The following SYNE4 variants were observed in gnomAD, a reference collection of about 807,000 sequenced individuals.
SYNE4 encodes the protein spectrin repeat containing nuclear envelope family member 4, also known as nesprin-4.
A neutral mutation model predicts 46.9 loss-of-function variants in SYNE4; 41 were observed. That is an observed-to-expected ratio of 0.87 (90% CI 0.68 to 1.13). The LOEUF (loss-of-function observed/expected upper bound fraction) is 1.13, where lower values mean the gene tolerates loss of function less well. Among genes scored for constraint, SYNE4 ranks in the 50% most tolerant of loss-of-function variants. SYNE4 has a pLI of 0.00. For missense variants in SYNE4, 492 were observed against 514.8 expected (o/e 0.96, Z 0.43); for synonymous variants, 221 against 219.5 (o/e 1.01, Z -0.06).
Position 36,008,711 on chromosome 19 carries a change from T to C in SYNE4, c.-30A>G, listed in dbSNP as rs751908905. The C allele has an allele frequency of 6.3e-7, 1 of 1,590,176 alleles. No homozygotes were observed. The highest frequency in any genetic ancestry group is 8.6e-7 in the Non-Finnish European group (1 of 1,169,034). On this transcript the variant is annotated 5_prime_UTR_variant, in exon 1 of 8. Transcript: ENST00000324444. The stretch of plus-strand genomic sequence containing the variant: ...GGGGGCCTGGGGACACAAAGTCAGG[T>C]GAGGGCAGCCAGTAAGACCTCTTCC...
Position 36,006,466 on chromosome 19 carries a change from A to G in SYNE4, c.824T>C (p.Leu275Pro). The part of the protein sequence containing the change: ...TARTLGVPCE[L>P]CGQRGPQGRG... ...GCCCTGGGGCCCCCTCTGGCCACAC[A>G]GCTCACAGGGCACTCCTAGTGTCCG... The change falls in exon 5 of 8, where the codon CTG becomes CCG. Residue 275 changes from leucine to proline, a missense_variant. Coordinates refer to ENST00000324444, the MANE Select transcript of SYNE4 (RefSeq NM_001039876.3). The G allele has an allele frequency of 6.2e-7, 1 of 1,611,870 alleles. No homozygotes were observed.
chr19:36,006,206 C>T, intron 5 of SYNE4: 1 of 609,748 alleles, frequency 1.6e-6, no homozygotes, highest in Non-Finnish European at 2.6e-6. Flanking sequence ...ATCTGGGGGC[C>T]TCAGGATAGG....
At position 36,007,089 on chromosome 19, in the gene SYNE4, C is replaced by T. The variant is rs1412344134; in HGVS notation, c.423+36G>A. 2.0e-5 allele frequency: 31 copies of T among 1,583,302 alleles called. No individual in the cohort carries two copies. In the Admixed American group the frequency reaches 4.4e-4, roughly 23 times the overall value. On this transcript the variant is annotated intron_variant, in intron 3 of 7. Transcript: ENST00000324444. ...GAAAGCTGGCACCCACTGCTGGGGC[C>T]GTGCCCACCCCCACATCCTGGCCTC...
chr19:36,003,796 T>C (rs1262443757), intron 6 of SYNE4, 125 bp from the exon 7 acceptor site: 1 of 1,401,636 alleles, frequency 7.1e-7, no homozygotes, highest in Admixed American at 2.0e-5. Flanking sequence ...CTCAGCTCAC[T>C]GCAACCTCAG....
chr19:36,006,343 G>C, intron 5 of SYNE4, 80 bp downstream of exon 5: 5 of 1,492,042 alleles, frequency 3.4e-6, no homozygotes, highest in Non-Finnish European at 4.5e-6. Context: ...CTCCTTGGAA[G>C]GGCAGGATCT....
In SYNE4 at chr19:36,006,841, A is replaced by G; in HGVS notation, c.527T>C (p.Leu176Pro). Residue 176 changes from leucine to proline, a missense_variant, in exon 4 of 8, where the codon CTG becomes CCG. By Grantham distance (98) the Leu-to-Pro change is moderately conservative (BLOSUM62 -3). Coordinates refer to ENST00000324444, the MANE Select transcript of SYNE4 (RefSeq NM_001039876.3). ...TCCCAGGGCCCGCAGGATCTGCTCC[A>G]GGGCTGCCCAGGCCCTGGGCTCACT... ...QRSEPRAWAA[L>P]EQILRALGAY... The G allele has an allele frequency of 6.3e-7, 1 of 1,593,754 alleles. No individual in the cohort carries two copies.
At chr19:36,006,175 T>C in intron 5 of SYNE4, 1 of 486,900 alleles carries the variant, frequency 2.1e-6, no homozygotes. Context: ...ACTGGGACAG[T>C]CAGGAGGTGA....
Position 36,008,307 on chromosome 19 carries a change from AC to A in SYNE4, c.188del (p.Gly63ValfsTer40). The A allele has an allele frequency of 6.3e-7, 1 of 1,585,450 alleles. No individual in the cohort carries two copies. Among genetic ancestry groups the A allele is most frequent in the Non-Finnish European group, 8.6e-7 (1 of 1,164,506 alleles). On this transcript the variant is annotated frameshift_variant, in exon 2 of 8. Transcript: ENST00000324444. LOFTEE classifies it high-confidence loss of function. ...DSLGPPEHFQGGPRGNEPAAH... is the reference protein window; with the variant it reads ...DSLGPPEHFQXGPRGNEPAAH... ...CGGCAGGCTCATTGCCCCTTGGCCC[AC>A]CCTGGAAGTGCTCAGGAGGGCCCAA...
At chr19:36,005,751 G>C (rs1004936195) in intron 5 of SYNE4, 3 of 250,634 alleles carry the variant, frequency 1.2e-5, no homozygotes, top group African/African-American at 6.6e-5. Flanking sequence ...TGGTACAGTG[G>C]CTTATGCCTG....
In SYNE4 at chr19:36,006,573, A is replaced by C. The variant is rs1270850408; in HGVS notation, c.717T>G (p.Ser239Arg). ...CCAACTCTGTGGAAGTGGGGAGGCT[A>C]CTGGGTGCCCAGGGCCCCCAGACCC... ...PGGVWGPWAPSSLPTSTELEW... is the reference protein window; with the variant it reads ...PGGVWGPWAPRSLPTSTELEW... Residue 239 changes from serine (S) to arginine (R), a missense_variant, in exon 5 of 8, where the codon AGT (serine) becomes AGG (arginine). Coordinates refer to ENST00000324444, the MANE Select transcript of SYNE4 (RefSeq NM_001039876.3). The C allele has an allele frequency of 1.2e-6, 2 of 1,606,894 alleles. No individual in the cohort carries two copies. The highest frequency in any genetic ancestry group is 2.7e-5 in the African/African-American group (2 of 74,912).
Position 36,003,527 on chromosome 19 carries a change from AG to A in SYNE4, c.1032-8del. Reference sequence around the variant, plus strand: ...GGATGCAGGATCGGGGGCCCTGTGAAGGGAAATGCAGTGTTAAACATACAGG... The same window carrying A: ...GGATGCAGGATCGGGGGCCCTGTGAAGGAAATGCAGTGTTAAACATACAGG... On this transcript the variant is annotated splice_polypyrimidine_tract_variant and splice_region_variant and intron_variant, in intron 7 of 7. Coordinates refer to ENST00000324444, the MANE Select transcript of SYNE4 (RefSeq NM_001039876.3). 3.8e-6 allele frequency: 6 copies of A among 1,596,696 alleles called. No homozygotes were observed. Among genetic ancestry groups the A allele is most frequent in the Non-Finnish European group, 5.1e-6 (6 of 1,171,094 alleles).
chr19:36,007,164 C>T lies in SYNE4; in HGVS notation c.384G>A (p.Gly128=). The change falls in exon 3 of 8, where the codon GGG becomes GGA. Residue 128 remains glycine, a synonymous_variant. Coordinates refer to ENST00000324444, the MANE Select transcript of SYNE4 (RefSeq NM_001039876.3). ...TCCCACTCTGGGCCAATGCCCAGTGCCCCAGGCCTTGCTCCAGGTCCTGCA... is the reference window on the plus strand; with the variant it reads ...TCCCACTCTGGGCCAATGCCCAGTGTCCCAGGCCTTGCTCCAGGTCCTGCA... ...RRLQDLEQGL[G]HWALAQSGMV... is the part of the protein sequence containing the mutation. 6.3e-7 allele frequency: 1 copy of T among 1,593,180 alleles called. No individual in the cohort carries two copies. Among genetic ancestry groups the T allele is most frequent in the Non-Finnish European group, 8.5e-7 (1 of 1,170,236 alleles).
At chr19:36,004,958 A>C (rs1599675727) in intron 6 of SYNE4, among the ~76,000 whole-genome samples, 1 of 135,084 alleles carries the variant, frequency 7.4e-6, no homozygotes, top group Non-Finnish European at 1.5e-5. Flanking sequence ...GCTCACCGCA[A>C]CCTCCGCCTC....
In SYNE4 at chr19:36,003,622, C is replaced by T. The variant is rs1348078902; in HGVS notation, c.1022G>A (p.Gly341Glu). The part of the protein sequence containing the change: ...SPHLQDVRLE[G>E]NPGAPDPASR... ...CTCTCAGGCACCTCACCCTGGATTC[C>T]CCTCCAGCCTCACATCCTGGAGATG... Residue 341 changes from glycine to glutamate, a missense_variant, in exon 7 of 8, where the codon GGG (glycine) becomes GAG (glutamate). Transcript: ENST00000324444. The T allele has an allele frequency of 6.2e-7, 1 of 1,613,048 alleles. No individual in the cohort carries two copies. Among genetic ancestry groups the T allele is most frequent in the Admixed American group, 1.7e-5 (1 of 59,872 alleles).
chr19:36,004,048 A>T (rs1017114513), intron 6 of SYNE4, among the ~76,000 whole-genome samples: 1 of 151,980 alleles, frequency 6.6e-6, no homozygotes, highest in Admixed American at 6.6e-5. Flanking sequence ...GGTCTCAGTC[A>T]CCCAGGCTGG....
chr19:36,006,818 C>T lies in SYNE4; in HGVS notation c.550G>A (p.Gly184Arg), dbSNP rs1012809847. The T allele has an allele frequency of 6.2e-7, 1 of 1,606,466 alleles. No homozygotes were observed. Among genetic ancestry groups the T allele is most frequent in the African/African-American group, 1.3e-5 (1 of 74,964 alleles). ...CGGAAGATGGAGTCTCGGTAAGCTC[C>T]CAGGGCCCGCAGGATCTGCTCCAGG... ...AALEQILRAL[G>R]AYRDSIFRRL... The change falls in exon 4 of 8, where the codon GGA becomes AGA. Residue 184 changes from glycine (G) to arginine (R), a missense_variant. Gly to Arg is a moderately radical substitution (Grantham distance 125, BLOSUM62 -2). Coordinates refer to ENST00000324444, the MANE Select transcript of SYNE4 (RefSeq NM_001039876.3).
rs752326415 is a variant in SYNE4 at position 36,006,795 on chromosome 19, G to A, written c.573C>T (p.Phe191=). The change falls in exon 4 of 8, where the codon TTC becomes TTT. Residue 191 remains phenylalanine, a synonymous_variant. Transcript: ENST00000324444. ...GGGCCTGCAGCTGCCAGAGCCGCCG[G>A]AAGATGGAGTCTCGGTAAGCTCCCA... ...RALGAYRDSI[F]RRLWQLQAQL... is the part of the protein sequence containing the mutation. 6.2e-7 allele frequency: 1 copy of A among 1,611,866 alleles called. No homozygotes were observed. The highest frequency in any genetic ancestry group is 8.5e-7 in the Non-Finnish European group (1 of 1,179,304).
chr19:36,004,116 C>T (rs924234463), intron 6 of SYNE4, among the ~76,000 whole-genome samples: 15 of 152,204 alleles, frequency 9.9e-5, no homozygotes, highest in African/African-American at 2.9e-4. Flanking sequence ...TCAGGTGATC[C>T]TCTTACCTCA....
At position 36,008,377 on chromosome 19, in the gene SYNE4, A is replaced by AG; in HGVS notation, c.129-11dup. On this transcript the variant is annotated splice_polypyrimidine_tract_variant and intron_variant, in intron 1 of 7. Coordinates refer to ENST00000324444, the MANE Select transcript of SYNE4 (RefSeq NM_001039876.3). ...CTGGGCCTGCTCTGGGCTAGGAGGC[A>AG]GGGGGCGGTGACTGGGTGAGTCTCG... 3 of 1,557,772 alleles carry AG rather than the reference A, an allele frequency of 1.9e-6. No individual in the cohort carries two copies. Among genetic ancestry groups the AG allele is most frequent in the Non-Finnish European group, 2.6e-6 (3 of 1,149,698 alleles).
Sources: gnomAD v4.1 joint callset for allele counts (sites outside exome capture counted in the v4.1 genomes callset) on GRCh38, gnomAD v4.1.1 for gene constraint, MANE v1.5 for transcripts, NCBI Gene and HGNC (gene_info 2026-07-23, HGNC 2026-07-21) for gene names.